OTUB2: variants seen among roughly 807,000 people sequenced by gnomAD.
The protein encoded by OTUB2 is OTU deubiquitinase, ubiquitin aldehyde binding 2.
A neutral mutation model predicts 25.1 loss-of-function variants in OTUB2; 21 were observed. The observed-to-expected ratio is 0.84, with a 90% CI of 0.59 to 1.21. The LOEUF (loss-of-function observed/expected upper bound fraction) is 1.21. Ranked by LOEUF, OTUB2 falls within the 50% of genes most tolerant of loss-of-function variation. OTUB2 has a pLI of 0.00. For synonymous variants in OTUB2, 122 were observed against 122.8 expected, an observed-to-expected ratio of 0.99 and a Z score of 0.04; for missense variants, 283 against 298.0, an observed-to-expected ratio of 0.95 and a Z score of 0.37.
chr14:94,030,435 T>G (rs1179771670), intron 1 of OTUB2, among the ~76,000 whole-genome samples: 1 of 151,374 alleles, frequency 6.6e-6, no homozygotes, highest in Non-Finnish European at 1.5e-5. Context: ...GGCTGTGGAG[T>G]CAGAGCTCTA....
At chr14:94,036,986 T>G (rs969787940) in intron 1 of OTUB2, among the ~76,000 whole-genome samples, 1 of 152,114 alleles carries the variant, frequency 6.6e-6, no homozygotes, top group South Asian at 2.1e-4. Flanking sequence ...TCAGGAATTG[T>G]TGGATGAGTA....
chr14:94,033,988 T>C (rs1487836532), intron 1 of OTUB2, among the ~76,000 whole-genome samples: 2 of 152,214 alleles, frequency 1.3e-5, no homozygotes, highest in African/African-American at 4.8e-5. Context: ...TCTGGCTTGG[T>C]TTAAGTTAAA....
chr14:94,030,510 G>A (rs74074370), intron 1 of OTUB2, among the ~76,000 whole-genome samples: 13,624 of 151,992 alleles, frequency 0.09, 685 homozygotes, highest in Middle Eastern at 0.16. Context: ...ATGAGTCTAG[G>A]CATAAGATAA....
At chr14:94,028,603 T>C (rs116181073) in intron 1 of OTUB2, among the ~76,000 whole-genome samples, 414 of 152,330 alleles carry the variant, frequency 2.7e-3, no homozygotes, top group African/African-American at 9.6e-3. Context: ...GGTCCTATTG[T>C]GCTTTGTTCT....
At chr14:94,027,754 G>C (rs1884890845) in intron 1 of OTUB2, among the ~76,000 whole-genome samples, 1 of 152,230 alleles carries the variant, frequency 6.6e-6, no homozygotes, top group African/African-American at 2.4e-5. Context: ...GTGTGGCATA[G>C]GCAGCCAGGG....
Position 94,031,067 on chromosome 14 carries a change from C to G in OTUB2, c.3+4527C>G, listed in dbSNP as rs115537681. ...AGGAAACTCAGGGCACTCGGCTGCC[C>G]CCAAATCCATGGCTTCCAAACGATT... On this transcript the variant is annotated intron_variant, in intron 1 of 5. Transcript: ENST00000203664. Among the ~76,000 whole-genome samples the G allele has an allele frequency of 3.7e-3, 564 of 152,134 alleles. 7 individuals carry two copies. The highest frequency in any genetic ancestry group is 0.013 in the African/African-American group (550 of 41,480).
chr14:94,044,147 C>T (rs1885216793), intron 4 of OTUB2, 92 bp downstream of exon 4: 2 of 1,294,302 alleles, frequency 1.5e-6, no homozygotes, highest in South Asian at 1.2e-5. Context: ...CTCTGCTCCT[C>T]CTGGCTGGGG....
chr14:94,044,849 A>G (rs1885239950), intron 5 of OTUB2, 69 bp downstream of exon 5: 13 of 1,463,454 alleles, frequency 8.9e-6, no homozygotes, highest in Non-Finnish European at 1.2e-5. Flanking sequence ...AGACTTCAGC[A>G]CCCATCCGTA....
chr14:94,030,593 T>C (rs1884942797), intron 1 of OTUB2, among the ~76,000 whole-genome samples: 1 of 152,030 alleles, frequency 6.6e-6, no homozygotes, highest in Non-Finnish European at 1.5e-5. Context: ...GAAGCCTCAG[T>C]GCAGGGTCTT....
intron 2 of OTUB2, among the ~76,000 whole-genome samples, chr14:94,037,927 G>A (rs899355567): frequency 6.6e-6 from 1 of 152,236 alleles, no homozygotes; most frequent in Non-Finnish European, 1.5e-5. Flanking sequence ...GAGGCTAAAG[G>A]GATTTGTGGG....
intron 1 of OTUB2, among the ~76,000 whole-genome samples, chr14:94,029,025 G>A (rs542833077): frequency 6.6e-6 from 1 of 152,346 alleles, no homozygotes; most frequent in East Asian, 1.9e-4. Context: ...CAAGGAGATT[G>A]AGGGAGGCAG....
At chr14:94,035,072 C>G (rs1856853399) in intron 1 of OTUB2, among the ~76,000 whole-genome samples, 1 of 152,178 alleles carries the variant, frequency 6.6e-6, no homozygotes, top group African/African-American at 2.4e-5. Flanking sequence ...GATGGCTTTC[C>G]TGTTGCTTTG....
chr14:94,040,556 A>T (rs1352491896), intron 3 of OTUB2, among the ~76,000 whole-genome samples: 2 of 152,136 alleles, frequency 1.3e-5, no homozygotes, highest in African/African-American at 4.8e-5. Flanking sequence ...TATTGTGAGG[A>T]CTCAGTGGGT....
chr14:94,044,130 C>G (rs1595368969), intron 4 of OTUB2, 75 bp downstream of exon 4: 2 of 1,383,528 alleles, frequency 1.4e-6, no homozygotes, highest in Admixed American at 3.4e-5. Flanking sequence ...CCCTACACAG[C>G]CCACAGCTCT....
In OTUB2 at chr14:94,046,015, C is replaced by A; in HGVS notation, c.*93C>A. ...TCTTCAATTTTTTAAGCAATTTAGACTGTAGCAAGAAAATGTGCAGCCTTT... is the reference window on the plus strand; with the variant it reads ...TCTTCAATTTTTTAAGCAATTTAGAATGTAGCAAGAAAATGTGCAGCCTTT... On this transcript the variant is annotated 3_prime_UTR_variant, in exon 6 of 6. Transcript: ENST00000203664. The A allele has an allele frequency of 7.1e-7, 1 of 1,402,044 alleles. No homozygotes were observed. Among genetic ancestry groups the A allele is most frequent in the Non-Finnish European group, 9.9e-7 (1 of 1,014,204 alleles). 86.9% of individuals were successfully genotyped at this position (1,402,044 alleles called of 1,614,324 possible).
At chr14:94,042,804 T>G (rs1051877639) in intron 3 of OTUB2, among the ~76,000 whole-genome samples, 1 of 152,128 alleles carries the variant, frequency 6.6e-6, no homozygotes, top group Non-Finnish European at 1.5e-5. Context: ...CCCAGGCAGC[T>G]CTCCGTTCGC....
At chr14:94,030,934 T>C (rs1884951168) in intron 1 of OTUB2, among the ~76,000 whole-genome samples, 1 of 152,188 alleles carries the variant, frequency 6.6e-6, no homozygotes, top group Admixed American at 6.5e-5. Flanking sequence ...GCCATCTTGC[T>C]TTAGGCCAGC....
At chr14:94,039,887 C>T (rs1595367587) in intron 3 of OTUB2, among the ~76,000 whole-genome samples, 1 of 152,176 alleles carries the variant, frequency 6.6e-6, no homozygotes, top group African/African-American at 2.4e-5. Context: ...GGAAACAGTA[C>T]GGGGGGCAGT....
chr14:94,042,970 T>C (rs1282555268), intron 3 of OTUB2, among the ~76,000 whole-genome samples: 1 of 152,190 alleles, frequency 6.6e-6, no homozygotes, highest in African/African-American at 2.4e-5. Context: ...CACCTCACCC[T>C]GCAATCAGGA....
Sources: gnomAD v4.1 joint callset for allele counts (sites outside exome capture counted in the v4.1 genomes callset) on GRCh38, gnomAD v4.1.1 for gene constraint, MANE v1.5 for transcripts, NCBI Gene and HGNC (gene_info 2026-07-23, HGNC 2026-07-21) for gene names.